Variants in EYS observed in about 807,000 individuals in gnomAD.
EYS encodes the protein protein eyes shut homolog.
EYS carries 250 observed loss-of-function variants against 282.1 expected under a neutral mutation model. That is an observed-to-expected ratio of 0.89 (90% CI 0.80 to 0.98). EYS has a LOEUF of 0.98. Ranked by LOEUF, EYS falls within the 50% of genes least tolerant of loss-of-function variation. The probability of loss-of-function intolerance (pLI) is 0.00; values close to 1 mark genes in which losing one functional copy is unlikely to be tolerated. For missense variants in EYS, 4,016 were observed against 3,709.0 expected, an observed-to-expected ratio of 1.08 and a Z score of -2.15; for synonymous variants, 1,355 against 1,282.9, an observed-to-expected ratio of 1.06 and a Z score of -1.20.
chr6:64,437,889 C>A (rs1367125219), intron 27 of EYS, among the ~76,000 whole-genome samples: 3 of 151,240 alleles, frequency 2.0e-5, no homozygotes, highest in African/African-American at 4.8e-5. Flanking sequence ...TATAACTCAT[C>A]CTTTCATGGA....
chr6:64,714,665 A>G (rs1771324194), intron 22 of EYS, among the ~76,000 whole-genome samples: 1 of 151,702 alleles, frequency 6.6e-6, no homozygotes, highest in Non-Finnish European at 1.5e-5. Context: ...AGCTGGGACT[A>G]TAGGAGCCTG....
chr6:64,089,605 G>A (rs1339864661), intron 31 of EYS, among the ~76,000 whole-genome samples: 2 of 151,606 alleles, frequency 1.3e-5, no homozygotes, highest in Non-Finnish European at 3.0e-5. Flanking sequence ...AGATTTAGAT[G>A]ACTTGAGTTT....
At chr6:64,969,977 T>C (rs926647010) in intron 14 of EYS, among the ~76,000 whole-genome samples, 4 of 152,132 alleles carry the variant, frequency 2.6e-5, no homozygotes, top group Admixed American at 2.6e-4. Flanking sequence ...TTTAATACAG[T>C]AGCTATTTCT....
At chr6:64,463,403 A>G (rs1203381580) in intron 26 of EYS, among the ~76,000 whole-genome samples, 1 of 152,218 alleles carries the variant, frequency 6.6e-6, no homozygotes, top group Admixed American at 6.5e-5. Flanking sequence ...AACATTCTAC[A>G]TTATGATATA....
At chr6:64,384,523 A>C (rs1190987515) in intron 29 of EYS, among the ~76,000 whole-genome samples, 1 of 152,236 alleles carries the variant, frequency 6.6e-6, no homozygotes, top group African/African-American at 2.4e-5. Flanking sequence ...TTGATTAACA[A>C]TATTTATTTA....
chr6:65,474,050 T>C (rs546314683), intron 5 of EYS, among the ~76,000 whole-genome samples: 16 of 152,112 alleles, frequency 1.1e-4, no homozygotes, highest in African/African-American at 2.6e-4. Flanking sequence ...TGACAAGTTT[T>C]GTATTTGAAA....
In EYS at chr6:65,281,893, T is replaced by G. The variant is rs1431132810; in HGVS notation, c.2023+13970A>C. 2.6e-5 allele frequency among the ~76,000 whole-genome samples: 4 copies of G among 152,120 alleles called. 1 individual carries two copies. The highest frequency in any genetic ancestry group is 4.4e-5 in the Non-Finnish European group (3 of 67,948). ...TAATTTTATTTAGTATTTGGGTAAT[T>G]TAAACATATTTAAACAGTACATCTA... On this transcript the variant is annotated intron_variant, in intron 12 of 42. Transcript: ENST00000503581.
intron 22 of EYS, among the ~76,000 whole-genome samples, chr6:64,732,254 A>G (rs1771999792): frequency 6.8e-6 from 1 of 146,976 alleles, no homozygotes; most frequent in Admixed American, 6.8e-5. Flanking sequence ...GCACGTGTAT[A>G]CCTATGTAAC....
At chr6:63,846,350 C>T (rs1459034111) in intron 36 of EYS, among the ~76,000 whole-genome samples, 1 of 152,046 alleles carries the variant, frequency 6.6e-6, no homozygotes, top group Non-Finnish European at 1.5e-5. Context: ...GGGATACACT[C>T]CAACAAGCAG....
intron 15 of EYS, among the ~76,000 whole-genome samples, chr6:64,919,163 T>G (rs1365807301): frequency 1.3e-5 from 2 of 152,056 alleles, no homozygotes; most frequent in African/African-American, 4.8e-5. Context: ...CAAACCTTTC[T>G]TTCTTTAATT....
chr6:64,961,615 A>G (rs1232197592), intron 14 of EYS, among the ~76,000 whole-genome samples: 1 of 152,122 alleles, frequency 6.6e-6, no homozygotes, highest in African/African-American at 2.4e-5. Flanking sequence ...TGTTTTTCAA[A>G]AAATGCATGC....
intron 29 of EYS, among the ~76,000 whole-genome samples, chr6:64,356,044 T>C (rs1487933265): frequency 6.6e-6 from 1 of 151,638 alleles, no homozygotes; most frequent in African/African-American, 2.4e-5. Flanking sequence ...AAAAGCGAAG[T>C]TTGAGCTCAG....
intron 16 of EYS, among the ~76,000 whole-genome samples, chr6:64,904,528 T>G (rs1273004670): frequency 6.6e-6 from 1 of 152,202 alleles, no homozygotes; most frequent in African/African-American, 2.4e-5. Flanking sequence ...TCAAAAGATG[T>G]TTAATTCTTT....
chr6:64,125,175 T>TCTCTCTCTCTCGCGCGCGCGCG (rs1562213596), intron 31 of EYS, among the ~76,000 whole-genome samples: 2 of 150,306 alleles, frequency 1.3e-5, no homozygotes, highest in African/African-American at 5.0e-5. Flanking sequence ...TCTCTCTCTC[T>TCTCTCTCTCTCGCGCGCGCGCG]CGCTCTCTCT....
intron 29 of EYS, among the ~76,000 whole-genome samples, chr6:64,332,770 G>C (rs968035726): frequency 6.6e-6 from 1 of 152,160 alleles, no homozygotes; most frequent in Non-Finnish European, 1.5e-5. Flanking sequence ...AAGCTGACTA[G>C]TCTACACATG....
chr6:63,902,894 T>C (rs962281381), intron 35 of EYS, among the ~76,000 whole-genome samples: 1 of 152,194 alleles, frequency 6.6e-6, no homozygotes, highest in African/African-American at 2.4e-5. Flanking sequence ...TTGGAAGTTC[T>C]CTTCTGATTA....
In EYS at chr6:64,660,673, T is replaced by C. The variant is rs1467590516; in HGVS notation, c.3444-34428A>G. On this transcript the variant is annotated intron_variant, in intron 22 of 42. Transcript: ENST00000503581. ...GAGAATAAAATACCTAGGAATCCAA[T>C]TTACAAGGGATGTGAAGGACCTCTT... Among the ~76,000 whole-genome samples, 8 of 152,126 alleles carry C rather than the reference T, an allele frequency of 5.3e-5. No individual in the cohort carries two copies. In the South Asian group the frequency reaches 1.0e-3, roughly 20 times the overall value.
intron 26 of EYS, among the ~76,000 whole-genome samples, chr6:64,548,308 C>A (rs985303938): frequency 6.6e-6 from 1 of 152,160 alleles, no homozygotes; most frequent in African/African-American, 2.4e-5. Context: ...TACCATTTGA[C>A]CCAGCAATTA....
intron 14 of EYS, among the ~76,000 whole-genome samples, chr6:64,963,636 G>A (rs1769999428): frequency 6.6e-6 from 1 of 152,160 alleles, no homozygotes; most frequent in Admixed American, 6.5e-5. Context: ...GTAAATTAGT[G>A]AGGAAGGAAG....
Sources: gnomAD v4.1 joint callset for allele counts (sites outside exome capture counted in the v4.1 genomes callset) on GRCh38, gnomAD v4.1.1 for gene constraint, MANE v1.5 for transcripts, NCBI Gene and HGNC (gene_info 2026-07-23, HGNC 2026-07-21) for gene names.